EPHA5: variants seen among roughly 807,000 people sequenced by gnomAD.
EPHA5 encodes EPH receptor A5.
Under a neutral mutation model 105.0 loss-of-function variants are expected in EPHA5, and 60 were observed. The observed-to-expected ratio is 0.57, with a 90% CI of 0.46 to 0.71. The LOEUF is 0.71. Ranked by LOEUF, EPHA5 falls within the 30% of genes least tolerant of loss-of-function variation. EPHA5 has a pLI of 0.00. For synonymous variants in EPHA5, 513 were observed against 449.1 expected (o/e 1.14, Z -1.80); for missense variants, 1,218 against 1,274.7 (o/e 0.96, Z 0.68).
intron 3 of EPHA5, among the ~76,000 whole-genome samples, chr4:65,503,467 T>C (rs1191040385): frequency 6.6e-6 from 1 of 151,788 alleles, no homozygotes; most frequent in Non-Finnish European, 1.5e-5. Context: ...AGAATGTAAG[T>C]TTAAATGATT....
At chr4:65,659,184 A>G (rs959354511) in intron 1 of EPHA5, among the ~76,000 whole-genome samples, 2 of 151,924 alleles carry the variant, frequency 1.3e-5, no homozygotes, top group African/African-American at 2.4e-5. Context: ...TTAACAGAGC[A>G]AGAGGTAGTG....
chr4:65,659,413 C>T (rs1476378218), intron 1 of EPHA5, among the ~76,000 whole-genome samples: 2 of 142,328 alleles, frequency 1.4e-5, no homozygotes, highest in African/African-American at 5.3e-5. Context: ...TATGTGGGAA[C>T]AGTTCTCCCC....
chr4:65,587,129 A>G (rs1277128457), intron 3 of EPHA5, among the ~76,000 whole-genome samples: 2 of 152,092 alleles, frequency 1.3e-5, no homozygotes, highest in Non-Finnish European at 2.9e-5. Flanking sequence ...AGTCTCCTCC[A>G]GTCAGAAACC....
intron 15 of EPHA5, 57 bp downstream of exon 15, chr4:65,335,875 G>T (rs2148811923): frequency 6.8e-7 from 1 of 1,464,154 alleles, no homozygotes; most frequent in Non-Finnish European, 9.2e-7. Context: ...TAAAATATTT[G>T]TGACATCAAT....
intron 8 of EPHA5, among the ~76,000 whole-genome samples, chr4:65,388,530 T>C (rs928475566): frequency 2.0e-5 from 3 of 151,852 alleles, no homozygotes; most frequent in Non-Finnish European, 2.9e-5. Context: ...TGAGATGGTA[T>C]CTCATTGAGG....
At chr4:65,605,898 G>C (rs1161050567) in intron 2 of EPHA5, among the ~76,000 whole-genome samples, 1 of 152,036 alleles carries the variant, frequency 6.6e-6, no homozygotes, top group African/African-American at 2.4e-5. Context: ...ATATTCAATA[G>C]AGAACATCAC....
chr4:65,368,236 C>A (rs1019042964), intron 8 of EPHA5, among the ~76,000 whole-genome samples: 2 of 152,066 alleles, frequency 1.3e-5, no homozygotes, highest in Admixed American at 6.6e-5. Flanking sequence ...TCCTCTCAAT[C>A]CATCTATTTC....
At chr4:65,367,236 T>TTA in intron 9 of EPHA5, 121 bp downstream of exon 9, 3 of 664,614 alleles carry the variant, frequency 4.5e-6, no homozygotes, top group African/African-American at 3.8e-5. Flanking sequence ...AGAACACTTT[T>TTA]AAAAAAAAAA....
chr4:65,604,559 T>C (rs1419929989), intron 2 of EPHA5, among the ~76,000 whole-genome samples: 1 of 152,172 alleles, frequency 6.6e-6, no homozygotes, highest in African/African-American at 2.4e-5. Flanking sequence ...ACATGGGTAA[T>C]ATATCCATCT....
At chr4:65,419,431 TTGAG>T (rs1723727431) in intron 6 of EPHA5, among the ~76,000 whole-genome samples, 2 of 152,142 alleles carry the variant, frequency 1.3e-5, no homozygotes, top group African/African-American at 4.8e-5. Context: ...GGAAAAGCAA[TTGAG>T]TAAGTAGCGT....
intron 5 of EPHA5, among the ~76,000 whole-genome samples, chr4:65,446,252 A>G (rs750737146): frequency 6.6e-6 from 1 of 152,210 alleles, no homozygotes; most frequent in Non-Finnish European, 1.5e-5. Flanking sequence ...TTGTCTTAGT[A>G]TGAATAACTT....
Position 65,460,557 on chromosome 4 carries a change from A to G in EPHA5, c.1402+29820T>C, listed in dbSNP as rs145456204. On this transcript the variant is annotated intron_variant, in intron 5 of 16. Coordinates refer to ENST00000613740, the MANE Select transcript of EPHA5 (RefSeq NM_001281766.3). ...GACTTTTTAAGGTTAACATCCATAA[A>G]AAGTAAAAAAGTCAAAAGTATATTT... Among the ~76,000 whole-genome samples, 828 of 151,548 alleles carry G rather than the reference A, an allele frequency of 5.5e-3. 8 individuals carry two copies. Among genetic ancestry groups the G allele is most frequent in the African/African-American group, 0.019 (798 of 41,508 alleles).
chr4:65,536,727 G>T (rs1208569291), intron 3 of EPHA5, among the ~76,000 whole-genome samples: 2 of 150,218 alleles, frequency 1.3e-5, no homozygotes, highest in Non-Finnish European at 3.0e-5. Context: ...CTTTGAATTT[G>T]AGTAAAAATA....
chr4:65,669,747 T>C lies in EPHA5; in HGVS notation c.-5A>G. On this transcript the variant is annotated 5_prime_UTR_variant, in exon 1 of 17. Transcript: ENST00000613740. Reference sequence around the variant, plus strand: ...CCGGGGCCCCGAGCCCCGCATCTTCTCCGAGCCTCCTCCGGTGCCGCTGTC... The same window carrying C: ...CCGGGGCCCCGAGCCCCGCATCTTCCCCGAGCCTCCTCCGGTGCCGCTGTC... The C allele has an allele frequency of 8.0e-7, 1 of 1,253,226 alleles. No homozygotes were observed. 77.6% of individuals were successfully genotyped at this position (1,253,226 alleles called of 1,614,324 possible). A position where few individuals can be genotyped will look rare whatever the true frequency, so the allele number is the denominator to read the frequency against.
intron 14 of EPHA5, among the ~76,000 whole-genome samples, chr4:65,340,950 G>T (rs1303739930): frequency 6.6e-6 from 1 of 151,986 alleles, no homozygotes; most frequent in Non-Finnish European, 1.5e-5. Context: ...CTTTAGAACG[G>T]CATTTCTACT....
chr4:65,383,515 C>T (rs1390997907), intron 8 of EPHA5, among the ~76,000 whole-genome samples: 1 of 151,826 alleles, frequency 6.6e-6, no homozygotes, highest in Non-Finnish European at 1.5e-5. Context: ...TTAAGAAACA[C>T]TATTTTTATC....
chr4:65,388,206 C>T (rs1264794837), intron 8 of EPHA5, among the ~76,000 whole-genome samples: 3 of 149,214 alleles, frequency 2.0e-5, no homozygotes, highest in Non-Finnish European at 4.5e-5. Flanking sequence ...TTTTCTTAAT[C>T]CAGTCTATCA....
intron 8 of EPHA5, among the ~76,000 whole-genome samples, chr4:65,386,342 C>G (rs73218333): frequency 2.6e-5 from 4 of 151,786 alleles, no homozygotes; most frequent in South Asian, 4.1e-4. Context: ...AAATAAGCAA[C>G]GATGTTCTAG....
chr4:65,528,221 C>T (rs1474587289), intron 3 of EPHA5, among the ~76,000 whole-genome samples: 1 of 152,090 alleles, frequency 6.6e-6, no homozygotes, highest in African/African-American at 2.4e-5. Flanking sequence ...AAGCATCACA[C>T]GTCGGCAAAA....
Sources: gnomAD v4.1 joint callset for allele counts (sites outside exome capture counted in the v4.1 genomes callset) on GRCh38, gnomAD v4.1.1 for gene constraint, MANE v1.5 for transcripts, NCBI Gene and HGNC (gene_info 2026-07-23, HGNC 2026-07-21) for gene names.